Variants in TRAF7 observed in about 807,000 individuals in gnomAD.
TRAF7 encodes E3 ubiquitin-protein ligase TRAF7.
TRAF7 carries 45 observed loss-of-function variants against 89.3 expected under a neutral mutation model. The ratio of observed to expected loss-of-function variants is 0.50; its 90% CI spans 0.40 to 0.65. The LOEUF is 0.65. TRAF7 is among the 30% of genes least tolerant of loss of function. TRAF7 has a pLI of 0.00. For missense variants in TRAF7, 677 were observed against 918.1 expected, an observed-to-expected ratio of 0.74 and a Z score of 3.39; for synonymous variants, 406 against 369.2, an observed-to-expected ratio of 1.10 and a Z score of -1.14.
At position 2,164,005 on chromosome 16, in the gene TRAF7, A is replaced by G. The variant is rs781140313; in HGVS notation, c.81+4A>G. ...CACCCCAGACGTCACCACAGGGGTA[A>G]GGGTGTGCCCCTCTGCAAGCCCAAC... On this transcript the variant is annotated splice_donor_region_variant and intron_variant, in intron 2 of 20. Coordinates refer to ENST00000326181, the MANE Select transcript of TRAF7 (RefSeq NM_032271.3). 74 of 1,608,754 alleles carry G rather than the reference A, an allele frequency of 4.6e-5. No homozygotes were observed. The highest frequency in any genetic ancestry group is 5.8e-5 in the Non-Finnish European group (68 of 1,177,532).
intron 5 of TRAF7, 94 bp from the exon 6 acceptor site, chr16:2,171,170 A>G (rs1255480285): frequency 2.0e-6 from 2 of 1,025,414 alleles, no homozygotes; most frequent in African/African-American, 3.2e-5. Flanking sequence ...CTCAGAGGAC[A>G]GCCAGGCCTG....
At position 2,159,159 on chromosome 16, in the gene TRAF7, G is replaced by A. The variant is rs1487584686; in HGVS notation, c.-39+3301G>A. On this transcript the variant is annotated intron_variant, in intron 1 of 20. Transcript: ENST00000326181. The surrounding 1 kb of genome is among the most constrained non-coding windows in gnomAD (Gnocchi z 6.5). ...CCTCCCTGGAGCAGAGGGAGATACG[G>A]ACGCTGGAGAGGCTTGGCCAGGGCA... 6.6e-6 allele frequency among the ~76,000 whole-genome samples: 1 copy of A among 152,236 alleles called. No homozygotes were observed. Among genetic ancestry groups the A allele is most frequent in the African/African-American group, 2.4e-5 (1 of 41,448 alleles).
At position 2,173,311 on chromosome 16, in the gene TRAF7, G is replaced by A. The variant is rs763266552; in HGVS notation, c.924G>A (p.Lys308=). Reference sequence around the variant, plus strand: ...AGATGCACGTGGCTCTGGCCCAGAAGGACCAGGAGATCGCCTTCCTGCGCT... The same window carrying A: ...AGATGCACGTGGCTCTGGCCCAGAAAGACCAGGAGATCGCCTTCCTGCGCT... ...FHEMHVALAQ[K]DQEIAFLRSM... is the part of the protein sequence containing the mutation. The change falls in exon 10 of 21, where the codon AAG becomes AAA. Residue 308 remains lysine, a synonymous_variant. Transcript: ENST00000326181. The A allele has an allele frequency of 5.6e-6, 9 of 1,613,550 alleles. No individual in the cohort carries two copies. The highest frequency in any genetic ancestry group is 4.4e-5 in the South Asian group (4 of 91,092).
intron 3 of TRAF7, among the ~76,000 whole-genome samples, chr16:2,166,725 A>G (rs900777935): frequency 5.9e-5 from 9 of 152,202 alleles, no homozygotes; most frequent in Admixed American, 1.3e-4. Flanking sequence ...CCTGCACAAG[A>G]CCACTGGGCG....
In TRAF7 at chr16:2,162,770, G is replaced by A. The variant is rs1412838697; in HGVS notation, c.-38-1113G>A. 6.6e-6 allele frequency among the ~76,000 whole-genome samples: 1 copy of A among 152,058 alleles called. No individual in the cohort carries two copies. Among genetic ancestry groups the A allele is most frequent in the Non-Finnish European group, 1.5e-5 (1 of 67,966 alleles). On this transcript the variant is annotated intron_variant, in intron 1 of 20. Transcript: ENST00000326181. The surrounding 1 kb of genome is among the most constrained non-coding windows in gnomAD (Gnocchi z 5.0). ...GGTGGACAGTGCAGGTGGGCCCGGG[G>A]CAGGAGTCCTGGGCACGTGGCCTTC...
Position 2,158,971 on chromosome 16 carries a change from G to A in TRAF7, c.-39+3113G>A, listed in dbSNP as rs2093047108. On this transcript the variant is annotated intron_variant, in intron 1 of 20. Transcript: ENST00000326181. This position sits in a 1 kb window ranked among gnomAD's most constrained non-coding sequence, Gnocchi z 4.7. The stretch of plus-strand genomic sequence containing the variant: ...GCCTCATCCTCCAGGAAGCCCTCTG[G>A]ACTTCCCCTCGACTGGGCCAGGTCC... Among the ~76,000 whole-genome samples, 1 of 152,122 alleles carries A rather than the reference G, an allele frequency of 6.6e-6. No homozygotes were observed. Among genetic ancestry groups the A allele is most frequent in the Non-Finnish European group, 1.5e-5 (1 of 68,012 alleles).
chr16:2,170,839 G>A (rs1010743602), intron 5 of TRAF7, 109 bp downstream of exon 5: 26 of 1,086,694 alleles, frequency 2.4e-5, no homozygotes, highest in Non-Finnish European at 2.9e-5. Flanking sequence ...GGGAGAGGGC[G>A]GCTGGGGCCT....
At chr16:2,172,713 C>T (rs1022823463) in intron 9 of TRAF7, 114 bp downstream of exon 9, 16 of 1,292,728 alleles carry the variant, frequency 1.2e-5, no homozygotes, top group Middle Eastern at 2.7e-4. Flanking sequence ...GGGGCCACAC[C>T]GGGGTCTGTA....
At chr16:2,172,635 G>GGGGGGGC in intron 9 of TRAF7, 36 bp downstream of exon 9, 4 of 1,273,302 alleles carry the variant, frequency 3.1e-6, no homozygotes, top group Non-Finnish European at 4.4e-6. Context: ...GCCGGGGTGG[G>GGGGGGGC]CGCAGGCCCT....
chr16:2,170,962 G>A (rs1342669154), intron 5 of TRAF7, among the ~76,000 whole-genome samples: 2 of 152,230 alleles, frequency 1.3e-5, no homozygotes, highest in East Asian at 1.9e-4. Flanking sequence ...AACTGGCAGC[G>A]GGAAGCACAG....
intron 4 of TRAF7, among the ~76,000 whole-genome samples, chr16:2,170,302 G>T (rs1263577839): frequency 6.6e-6 from 1 of 152,198 alleles, no homozygotes; most frequent in Admixed American, 6.5e-5. Context: ...TCCCCCACGG[G>T]AAGCAGGAAG....
chr16:2,159,688 G>A lies in TRAF7; in HGVS notation c.-39+3830G>A, dbSNP rs1240520483. Among the ~76,000 whole-genome samples, 1 of 152,190 alleles carries A rather than the reference G, an allele frequency of 6.6e-6. No individual in the cohort carries two copies. Among genetic ancestry groups the A allele is most frequent in the Non-Finnish European group, 1.5e-5 (1 of 68,002 alleles). Reference sequence around the variant, plus strand: ...CAGCCCTGTGGCAGGCGGGGCGGAGGCTTCTGGAGCCGTCCCAGGCTCCTC... The same window carrying A: ...CAGCCCTGTGGCAGGCGGGGCGGAGACTTCTGGAGCCGTCCCAGGCTCCTC... On this transcript the variant is annotated intron_variant, in intron 1 of 20. Coordinates refer to ENST00000326181, the MANE Select transcript of TRAF7 (RefSeq NM_032271.3). The surrounding 1 kb of genome is among the most constrained non-coding windows in gnomAD (Gnocchi z 6.5).
intron 14 of TRAF7, 76 bp downstream of exon 14, chr16:2,174,409 C>CATGAGCT: frequency 1.4e-6 from 2 of 1,448,918 alleles, no homozygotes; most frequent in Non-Finnish European, 1.9e-6. Context: ...GGCCGTGAGC[C>CATGAGCT]ATGAGCTCGA....
At chr16:2,166,166 CCT>C (rs2141276710) in intron 3 of TRAF7, among the ~76,000 whole-genome samples, 1 of 152,314 alleles carries the variant, frequency 6.6e-6, no homozygotes, top group East Asian at 1.9e-4. Flanking sequence ...TGTGCTGTGC[CCT>C]CTCTCCCTGC....
chr16:2,175,298 C>T lies in TRAF7; in HGVS notation c.1387-3C>T, dbSNP rs1369382388. Reference sequence around the variant, plus strand: ...CTGAGGCTGCCGGTCCTTCCCCAATCAGGTGTGGGACATCCAGAACCTGCA... The same window carrying T: ...CTGAGGCTGCCGGTCCTTCCCCAATTAGGTGTGGGACATCCAGAACCTGCA... On this transcript the variant is annotated splice_polypyrimidine_tract_variant and splice_region_variant and intron_variant, in intron 15 of 20. Transcript: ENST00000326181. 2.5e-6 allele frequency: 4 copies of T among 1,613,110 alleles called. No individual in the cohort carries two copies. The highest frequency in any genetic ancestry group is 3.4e-6 in the Non-Finnish European group (4 of 1,179,782).
At chr16:2,164,180 GCA>G (rs1169818183) in intron 2 of TRAF7, among the ~76,000 whole-genome samples, 179 bp downstream of exon 2, 31 of 131,250 alleles carry the variant, frequency 2.4e-4, no homozygotes, top group East Asian at 9.1e-4. Context: ...GCGCGCGCGC[GCA>G]CGCGTGCGTG....
chr16:2,162,536 G>A lies in TRAF7; in HGVS notation c.-38-1347G>A, dbSNP rs1170876428. 1.3e-5 allele frequency among the ~76,000 whole-genome samples: 2 copies of A among 152,074 alleles called. No homozygotes were observed. Among genetic ancestry groups the A allele is most frequent in the African/African-American group, 2.4e-5 (1 of 41,444 alleles). On this transcript the variant is annotated intron_variant, in intron 1 of 20. Transcript: ENST00000326181. This position sits in a 1 kb window ranked among gnomAD's most constrained non-coding sequence, Gnocchi z 5.0. ...CTGGGTGGGGGCAGAGACCAGCTCCGCCACTTTGGCCTGGGACTGGGACTG... is the reference window on the plus strand; with the variant it reads ...CTGGGTGGGGGCAGAGACCAGCTCCACCACTTTGGCCTGGGACTGGGACTG...
At chr16:2,169,471 G>A (rs146188754) in intron 4 of TRAF7, among the ~76,000 whole-genome samples, 233 of 152,254 alleles carry the variant, frequency 1.5e-3, no homozygotes, top group Non-Finnish European at 3.0e-3. Flanking sequence ...CATGGGTCAC[G>A]GTGGCTTTCA....
intron 1 of TRAF7, among the ~76,000 whole-genome samples, chr16:2,156,789 G>A (rs1297612926): frequency 1.3e-5 from 2 of 152,168 alleles, no homozygotes; most frequent in African/African-American, 4.8e-5. Context: ...AAGCGCTGGA[G>A]AGGCGGTCCG....
Sources: gnomAD v4.1 joint callset for allele counts (sites outside exome capture counted in the v4.1 genomes callset) on GRCh38, gnomAD v4.1.1 for gene constraint, Gnocchi (gnomAD v3.1) non-coding constraint, MANE v1.5 for transcripts, NCBI Gene and HGNC (gene_info 2026-07-23, HGNC 2026-07-21) for gene names.